Variants in RUNX1 observed in about 807,000 individuals in gnomAD.
RUNX1 encodes RUNX family transcription factor 1.
In RUNX1, 19 loss-of-function variants were observed where a neutral mutation model predicts 42.8. That is an observed-to-expected ratio of 0.44 (90% CI 0.31 to 0.65). The LOEUF is 0.65. Among genes scored for constraint, RUNX1 ranks in the 30% least tolerant of loss-of-function variants. RUNX1 has a pLI of 0.07. For synonymous variants in RUNX1, 271 were observed against 289.4 expected, an observed-to-expected ratio of 0.94 and a Z score of 0.64; for missense variants, 528 against 672.0, an observed-to-expected ratio of 0.79 and a Z score of 2.37.
intron 2 of RUNX1, among the ~76,000 whole-genome samples, chr21:34,898,387 C>T (rs973068986): frequency 1.3e-5 from 2 of 152,176 alleles, no homozygotes; most frequent in Non-Finnish European, 2.9e-5. Flanking sequence ...CATGCTCTTT[C>T]CCTCTCCTTA....
intron 2 of RUNX1, among the ~76,000 whole-genome samples, chr21:35,012,735 T>C (rs1295006965): frequency 6.6e-6 from 1 of 151,832 alleles, no homozygotes; most frequent in African/African-American, 2.4e-5. Flanking sequence ...CATCTATACA[T>C]TGAGATGAAT....
intron 7 of RUNX1, among the ~76,000 whole-genome samples, chr21:34,825,480 C>T (rs377036445): frequency 2.0e-5 from 3 of 152,260 alleles, no homozygotes; most frequent in Non-Finnish European, 2.9e-5. Context: ...AATAAAAATA[C>T]TATGATGTTG....
At chr21:34,993,778 G>GAC (rs780503078) in intron 2 of RUNX1, among the ~76,000 whole-genome samples, 21 of 47,862 alleles carry the variant, frequency 4.4e-4, no homozygotes, top group South Asian at 1.7e-3. Context: ...CACACACACA[G>GAC]ACACACACAC....
At chr21:35,000,912 T>C (rs888956248) in intron 2 of RUNX1, among the ~76,000 whole-genome samples, 17 of 152,170 alleles carry the variant, frequency 1.1e-4, no homozygotes, top group African/African-American at 3.1e-4. Context: ...GAGCTAAGGA[T>C]AAGGCAGCAG....
chr21:35,012,438 A>G (rs2059132415), intron 2 of RUNX1, among the ~76,000 whole-genome samples: 1 of 152,238 alleles, frequency 6.6e-6, no homozygotes, highest in Non-Finnish European at 1.5e-5. Context: ...TATAATTCTG[A>G]GCCATGATAA....
chr21:34,970,227 C>T lies in RUNX1; in HGVS notation c.59-77264G>A, dbSNP rs7275869. Among the ~76,000 whole-genome samples, 1,342 of 152,280 alleles carry T rather than the reference C, an allele frequency of 8.8e-3. 22 individuals carry two copies. Among genetic ancestry groups the T allele is most frequent in the African/African-American group, 0.031 (1,287 of 41,548 alleles). On this transcript the variant is annotated intron_variant, in intron 2 of 8. Transcript: ENST00000675419. The stretch of plus-strand genomic sequence containing the variant: ...ATCATGGCAACATCAGGAAAAGGAA[C>T]CTTTCACTTCAAGGCTGGGGGTATG...
At chr21:35,005,081 GGC>G (rs2059074152) in intron 2 of RUNX1, among the ~76,000 whole-genome samples, 1 of 152,086 alleles carries the variant, frequency 6.6e-6, no homozygotes, top group East Asian at 1.9e-4. Flanking sequence ...TGAAAGAGAA[GGC>G]ATAGGTAGAT....
At chr21:34,897,854 A>C (rs1417559378) in intron 2 of RUNX1, among the ~76,000 whole-genome samples, 1 of 152,198 alleles carries the variant, frequency 6.6e-6, no homozygotes, top group Non-Finnish European at 1.5e-5. Context: ...TGCTCTGGTT[A>C]TGTTACATGG....
chr21:34,828,198 C>T (rs1317109154), intron 7 of RUNX1, among the ~76,000 whole-genome samples: 7 of 152,240 alleles, frequency 4.6e-5, no homozygotes, highest in Admixed American at 4.6e-4. Context: ...GAAGGCAGAA[C>T]ATGGAGTCAA....
chr21:34,943,606 G>T (rs995181939), intron 2 of RUNX1, among the ~76,000 whole-genome samples: 5 of 152,220 alleles, frequency 3.3e-5, no homozygotes, highest in African/African-American at 1.2e-4. Flanking sequence ...TCCCGGTGTG[G>T]GGTCAATGAT....
chr21:34,815,061 G>A (rs183423743), intron 7 of RUNX1, among the ~76,000 whole-genome samples: 48 of 151,768 alleles, frequency 3.2e-4, no homozygotes, highest in Non-Finnish European at 5.2e-4. Flanking sequence ...GGAACTTCCC[G>A]TCTTCTTTGA....
intron 7 of RUNX1, among the ~76,000 whole-genome samples, chr21:34,822,938 G>C (rs1233843597): frequency 1.3e-5 from 2 of 152,080 alleles, no homozygotes; most frequent in Non-Finnish European, 2.9e-5. Flanking sequence ...TTTATCTTGA[G>C]ATGTTCTTTA....
At chr21:34,890,240 G>A (rs1258915072) in intron 3 of RUNX1, among the ~76,000 whole-genome samples, 2 of 151,942 alleles carry the variant, frequency 1.3e-5, no homozygotes, top group Non-Finnish European at 2.9e-5. Context: ...TGGACGCCGC[G>A]CGCAGTCCCC....
At chr21:34,897,342 C>T (rs1280473442) in intron 2 of RUNX1, among the ~76,000 whole-genome samples, 1 of 152,176 alleles carries the variant, frequency 6.6e-6, no homozygotes, top group African/African-American at 2.4e-5. Flanking sequence ...TACAGTACTT[C>T]CAGATTAGTC....
intron 2 of RUNX1, among the ~76,000 whole-genome samples, chr21:34,895,905 G>C (rs1477843004): frequency 1.3e-5 from 2 of 152,068 alleles, no homozygotes; most frequent in African/African-American, 2.4e-5. Flanking sequence ...CGGTGAGTTG[G>C]AGGGAGTAGA....
intron 2 of RUNX1, among the ~76,000 whole-genome samples, chr21:35,017,275 C>T (rs913564299): frequency 1.5e-4 from 23 of 152,130 alleles, no homozygotes; most frequent in Non-Finnish European, 4.4e-5. Flanking sequence ...GATCAGCACA[C>T]GTGCTTTTTA....
At chr21:34,896,511 TG>T (rs1401185093) in intron 2 of RUNX1, among the ~76,000 whole-genome samples, 1 of 152,100 alleles carries the variant, frequency 6.6e-6, no homozygotes, top group Non-Finnish European at 1.5e-5. Flanking sequence ...GGTAAAACCC[TG>T]TCTCTACTAA....
intron 2 of RUNX1, among the ~76,000 whole-genome samples, chr21:35,001,647 G>C (rs766714344): frequency 3.9e-5 from 6 of 152,046 alleles, no homozygotes; most frequent in Non-Finnish European, 7.4e-5. Context: ...ATTCTAGCCG[G>C]AGCAATTAAG....
chr21:34,851,127 A>G (rs950238782), intron 6 of RUNX1, among the ~76,000 whole-genome samples: 2 of 152,182 alleles, frequency 1.3e-5, no homozygotes, highest in Admixed American at 1.3e-4. Context: ...TCTTGATTAC[A>G]TGTTGGTGGC....
Sources: allele counts gnomAD v4.1 joint callset (sites outside exome capture counted in the v4.1 genomes callset), GRCh38; gene constraint gnomAD v4.1.1; transcripts MANE v1.5; gene names NCBI Gene and HGNC (gene_info 2026-07-23, HGNC 2026-07-21).